The following ARHGEF10L variants were observed in gnomAD, a reference collection of about 807,000 sequenced individuals.
The protein encoded by ARHGEF10L is rho guanine nucleotide exchange factor 10-like protein.
Under a neutral mutation model 141.2 loss-of-function variants are expected in ARHGEF10L, and 69 were observed. That is an observed-to-expected ratio of 0.49 (90% CI 0.40 to 0.60). The LOEUF (loss-of-function observed/expected upper bound fraction) is 0.60. ARHGEF10L is among the 20% of genes least tolerant of loss of function. ARHGEF10L has a pLI of 0.00. For synonymous variants in ARHGEF10L, 711 were observed against 718.5 expected, an observed-to-expected ratio of 0.99 and a Z score of 0.17; for missense variants, 1,482 against 1,734.3, an observed-to-expected ratio of 0.85 and a Z score of 2.58.
At chr1:17,677,003 T>C (rs546455956) in intron 26 of ARHGEF10L, among the ~76,000 whole-genome samples, 3 of 152,120 alleles carry the variant, frequency 2.0e-5, no homozygotes, top group Admixed American at 2.0e-4. Context: ...TAAACAGGAC[T>C]CTGGGCATCT....
intron 22 of ARHGEF10L, among the ~76,000 whole-genome samples, chr1:17,652,041 C>T (rs1571272657): frequency 6.6e-6 from 1 of 152,230 alleles, no homozygotes; most frequent in Non-Finnish European, 1.5e-5. Context: ...CAGCTCACCA[C>T]GTTTCCAGGT....
chr1:17,671,082 C>T (rs2063289436), intron 26 of ARHGEF10L, among the ~76,000 whole-genome samples: 1 of 152,274 alleles, frequency 6.6e-6, no homozygotes, highest in African/African-American at 2.4e-5. Flanking sequence ...GCACCGGCGC[C>T]TCACTGCCTT....
intron 4 of ARHGEF10L, among the ~76,000 whole-genome samples, chr1:17,592,150 G>A (rs1384137367): frequency 1.3e-5 from 2 of 152,200 alleles, no homozygotes; most frequent in Non-Finnish European, 2.9e-5. Context: ...CCTGGGAAAC[G>A]TGAGCGCCAC....
Position 17,695,217 on chromosome 1 carries a change from A to G in ARHGEF10L, c.3244A>G (p.Thr1082Ala), listed in dbSNP as rs2065406405. ...LICQGLLWVG[T>A]DQGVIVLLPV... ...CTGCCAGGGTCTGCTCTGGGTGGGC[A>G]CTGACCAGGGTGTCATCGTCCTGCT... Residue 1082 changes from threonine to alanine, a missense_variant, in exon 28 of 29, where the codon ACT becomes GCT. Around this residue, in one of 3 missense-constraint regions of ARHGEF10L, gnomAD observed 858 missense variants for 966.3 expected, o/e 0.89. Coordinates refer to ENST00000361221, the MANE Select transcript of ARHGEF10L (RefSeq NM_018125.4). 1.2e-6 allele frequency: 2 copies of G among 1,612,232 alleles called. No homozygotes were observed. The highest frequency in any genetic ancestry group is 1.7e-6 in the Non-Finnish European group (2 of 1,179,622).
intron 18 of ARHGEF10L, among the ~76,000 whole-genome samples, chr1:17,635,286 C>T (rs772556164): frequency 6.6e-6 from 1 of 152,188 alleles, no homozygotes; most frequent in Non-Finnish European, 1.5e-5. Context: ...TCCTGCTGTG[C>T]CAGCTACCTG....
upstream of ARHGEF10L, among the ~76,000 whole-genome samples, chr1:17,538,693 TAAA>T (rs35238374): frequency 5.9e-4 from 77 of 129,586 alleles, no homozygotes; most frequent in African/African-American, 6.3e-4. Context: ...AGGGAGTAGT[TAAA>T]AAAAAAAAAA....
intron 1 of ARHGEF10L, among the ~76,000 whole-genome samples, chr1:17,547,650 A>C (rs563608554): frequency 2.0e-5 from 3 of 152,374 alleles, no homozygotes; most frequent in African/African-American, 7.2e-5. Flanking sequence ...AATTGAAGAA[A>C]AATATTCCTG....
chr1:17,580,465 G>A (rs1040038624), intron 1 of ARHGEF10L, 88 bp from the exon 2 acceptor site: 38 of 1,190,716 alleles, frequency 3.2e-5, no homozygotes, highest in Non-Finnish European at 4.4e-5. Context: ...CTGGGCTGAA[G>A]CACAGGTTGT....
upstream of ARHGEF10L, among the ~76,000 whole-genome samples, chr1:17,539,391 G>A (rs1019346799): frequency 2.0e-5 from 3 of 152,204 alleles, no homozygotes; most frequent in African/African-American, 7.2e-5. This position sits in a 1 kb window ranked among gnomAD's most constrained non-coding sequence, Gnocchi z 6.0. Flanking sequence ...GTCTCCCCGC[G>A]GAGAACCGGG....
Position 17,697,085 on chromosome 1 carries a change from A to G in ARHGEF10L, c.3545A>G (p.His1182Arg). 2 of 1,606,166 alleles carry G rather than the reference A, an allele frequency of 1.2e-6. No individual in the cohort carries two copies. The highest frequency in any genetic ancestry group is 2.7e-5 in the African/African-American group (2 of 74,838). The stretch of plus-strand genomic sequence containing the variant: ...CAGTACCGCCTGCGCTCCACCGCAC[A>G]CCTCCCGGGCCCGCTGCTCTCCATG... The part of the protein sequence containing the change: ...LLQYRLRSTA[H>R]LPGPLLSMRE... Residue 1182 changes from histidine (H) to arginine (R), a missense_variant, in exon 29 of 29, where the codon CAC becomes CGC. His to Arg is a conservative substitution (Grantham distance 29). Around this residue, in one of 3 missense-constraint regions of ARHGEF10L, gnomAD observed 858 missense variants for 966.3 expected, o/e 0.89. Transcript: ENST00000361221. This position sits in a 1 kb window ranked among gnomAD's most constrained non-coding sequence, Gnocchi z 4.8.
intron 1 of ARHGEF10L, among the ~76,000 whole-genome samples, chr1:17,568,388 A>C (rs2077850084): frequency 6.6e-6 from 1 of 152,308 alleles, no homozygotes; most frequent in East Asian, 1.9e-4. Context: ...AGTGGATGGC[A>C]TCTGTGTCAC....
At chr1:17,572,261 C>G (rs921056881) in intron 1 of ARHGEF10L, among the ~76,000 whole-genome samples, 4 of 152,150 alleles carry the variant, frequency 2.6e-5, no homozygotes, top group African/African-American at 7.2e-5. Context: ...TTTGGGAGCC[C>G]GGGACGCCCT....
At chr1:17,580,718 G>T in intron 2 of ARHGEF10L, 86 bp downstream of exon 2, 1 of 1,541,224 alleles carries the variant, frequency 6.5e-7, no homozygotes, top group South Asian at 1.1e-5. Flanking sequence ...CTCTGGAGCA[G>T]CATGGCGCCG....
At chr1:17,611,542 A>G (rs1006500017) in intron 7 of ARHGEF10L, among the ~76,000 whole-genome samples, 4 of 146,134 alleles carry the variant, frequency 2.7e-5, no homozygotes, top group Non-Finnish European at 4.4e-5. Context: ...ATATCCATCC[A>G]TCCATCCATC....
Position 17,687,704 on chromosome 1 carries a change from G to T in ARHGEF10L, c.3141G>T (p.Leu1047=). The change falls in exon 27 of 29, where the codon CTG becomes CTT. Residue 1047 remains leucine, a synonymous_variant. Coordinates refer to ENST00000361221, the MANE Select transcript of ARHGEF10L (RefSeq NM_018125.4). ...TCCACACTGAGACCCTGGAGCATCT[G>T]CAAGAGATCAACATCGCCACCAGGA... ...RLFHTETLEH[L]QEINIATRTT... is the part of the protein sequence containing the mutation. The T allele has an allele frequency of 1.2e-6, 2 of 1,603,348 alleles. No individual in the cohort carries two copies. Among genetic ancestry groups the T allele is most frequent in the South Asian group, 2.2e-5 (2 of 90,038 alleles).
At chr1:17,600,050 A>T (rs544493723) in intron 4 of ARHGEF10L, among the ~76,000 whole-genome samples, 6 of 152,252 alleles carry the variant, frequency 3.9e-5, no homozygotes, top group African/African-American at 1.4e-4. Context: ...TGGCACTCAG[A>T]GCCCAGCTTG....
intron 6 of ARHGEF10L, among the ~76,000 whole-genome samples, chr1:17,606,379 C>T (rs550714357): frequency 2.0e-5 from 3 of 151,842 alleles, no homozygotes; most frequent in African/African-American, 4.8e-5. Context: ...CTGCAGCTTC[C>T]GCCTCCCGGG....
chr1:17,676,624 G>C (rs1238399274), intron 26 of ARHGEF10L, among the ~76,000 whole-genome samples: 1 of 151,976 alleles, frequency 6.6e-6, no homozygotes, highest in East Asian at 1.9e-4. Flanking sequence ...TGACTGCTAT[G>C]AGGCAGACGT....
chr1:17,582,143 G>A (rs1022711386), intron 2 of ARHGEF10L, among the ~76,000 whole-genome samples: 3 of 152,034 alleles, frequency 2.0e-5, no homozygotes, highest in Non-Finnish European at 2.9e-5. Context: ...TTGCCGGGGG[G>A]AGGATAGAAG....
Sources: gnomAD v4.1 joint callset for allele counts (sites outside exome capture counted in the v4.1 genomes callset) on GRCh38, gnomAD v4.1.1 for gene constraint, gnomAD v4.1.1 regional missense constraint, Gnocchi (gnomAD v3.1) non-coding constraint, MANE v1.5 for transcripts, NCBI Gene and HGNC (gene_info 2026-07-23, HGNC 2026-07-21) for gene names.